NRBP1: variants seen among roughly 807,000 people sequenced by gnomAD.
NRBP1 encodes nuclear receptor-binding protein.
Under a neutral mutation model 76.0 loss-of-function variants are expected in NRBP1, and 10 were observed. The ratio of observed to expected loss-of-function variants is 0.13; its 90% CI spans 0.08 to 0.22. The LOEUF is 0.22. Among genes scored for constraint, NRBP1 ranks in the 10% least tolerant of loss-of-function variants. NRBP1 has a pLI of 1.00. For missense variants in NRBP1, 344 were observed against 646.0 expected (o/e 0.53, Z 5.07); for synonymous variants, 235 against 240.2 (o/e 0.98, Z 0.20).
At chr2:27,440,775 C>G in intron 13 of NRBP1, 30 bp from the exon 14 acceptor site, 1 of 1,614,076 alleles carries the variant, frequency 6.2e-7, no homozygotes, top group Non-Finnish European at 8.5e-7. Flanking sequence ...GTTCACAGAG[C>G]CCATGTGACC....
At position 27,437,419 on chromosome 2, in the gene NRBP1, C is replaced by G. The variant is rs1436245420; in HGVS notation, c.903+59C>G. The G allele has an allele frequency of 2.3e-6, 3 of 1,308,866 alleles. No individual in the cohort carries two copies. In the East Asian group the frequency reaches 7.0e-5, roughly 30 times the overall value. 81.1% of individuals were successfully genotyped at this position (1,308,866 alleles called of 1,614,324 possible). Reference sequence around the variant, plus strand: ...GACCTTCAAATGTCTTCTGGTTTTTCTTCCTTTGTACCCACTGGGTATATG... The same window carrying G: ...GACCTTCAAATGTCTTCTGGTTTTTGTTCCTTTGTACCCACTGGGTATATG... On this transcript the variant is annotated intron_variant, in intron 10 of 17. Transcript: ENST00000379852.
chr2:27,428,552 G>C (rs891842443), upstream of NRBP1: 4 of 395,994 alleles, frequency 1.0e-5, no homozygotes, highest in Non-Finnish European at 1.8e-5. Context: ...CACCCAGAAC[G>C]TCACCCAATG....
intron 8 of NRBP1, 103 bp from the exon 9 acceptor site, chr2:27,436,944 C>G (rs1419145717): frequency 1.4e-6 from 2 of 1,435,776 alleles, no homozygotes; most frequent in Non-Finnish European, 1.9e-6. Context: ...TCTCTACCAG[C>G]ATACAAAATA....
At chr2:27,437,668 G>A (rs1027723152) in intron 10 of NRBP1, among the ~76,000 whole-genome samples, 1 of 151,516 alleles carries the variant, frequency 6.6e-6, no homozygotes, top group Non-Finnish European at 1.5e-5. Flanking sequence ...TCAGGGGATC[G>A]AGACCATCCT....
rs376681737 is a variant in NRBP1 at position 27,440,497 on chromosome 2, A to G, written c.1131A>G (p.Pro377=). The stretch of plus-strand genomic sequence containing the variant: ...TCCCTGCAGGACCAGGAAGAGAACC[A>G]GTTCAGACTTTGTGAGTAACTGAGA... ...AEIPAGPGRE[P]VQTLYSQSPA... is the part of the protein sequence containing the mutation. Residue 377 remains proline (P), a synonymous_variant, in exon 12 of 18, where the codon CCA becomes CCG. Coordinates refer to ENST00000379852, the MANE Select transcript of NRBP1 (RefSeq NM_013392.4). The G allele has an allele frequency of 4.2e-5, 68 of 1,613,700 alleles. No homozygotes were observed. Among genetic ancestry groups the G allele is most frequent in the Non-Finnish European group, 5.5e-5 (65 of 1,179,688 alleles).
chr2:27,432,216 G>A (rs931932071), intron 1 of NRBP1, among the ~76,000 whole-genome samples: 1 of 152,202 alleles, frequency 6.6e-6, no homozygotes, highest in Non-Finnish European at 1.5e-5. Context: ...GAAGCCTATT[G>A]GATGAGTATT....
chr2:27,435,860 C>T, intron 7 of NRBP1: 1 of 707,270 alleles, frequency 1.4e-6, no homozygotes, highest in Non-Finnish European at 2.6e-6. Context: ...TCTTCCCTGC[C>T]TAATTATGCC....
chr2:27,433,922 GA>G, intron 3 of NRBP1, 66 bp from the exon 4 acceptor site: 1 of 1,593,094 alleles, frequency 6.3e-7, no homozygotes, highest in Non-Finnish European at 8.6e-7. Context: ...GAGGGATAGG[GA>G]ATGGCTTCTC....
At chr2:27,436,569 G>C in intron 7 of NRBP1, 184 bp from the exon 8 acceptor site, 1 of 591,834 alleles carries the variant, frequency 1.7e-6, no homozygotes, top group Non-Finnish European at 3.0e-6. Context: ...GCCTAAGAAA[G>C]GGGAGGTAGG....
rs750789707 is a variant in NRBP1 at position 27,436,887 on chromosome 2, C to G, written c.745+51C>G. The stretch of plus-strand genomic sequence containing the variant: ...TGTCCTCATCCCCCTGCTTTTGCAC[C>G]TTATAACTTGAGGTACAGAGGCAAT... On this transcript the variant is annotated intron_variant, in intron 8 of 17. Coordinates refer to ENST00000379852, the MANE Select transcript of NRBP1 (RefSeq NM_013392.4). 8.4e-6 allele frequency: 13 copies of G among 1,549,044 alleles called. No homozygotes were observed. The Admixed American group carries it at 2.0e-4, about 24-fold the overall frequency.
intron 10 of NRBP1, 111 bp from the exon 11 acceptor site, chr2:27,439,655 C>A: frequency 8.1e-7 from 1 of 1,238,186 alleles, no homozygotes; most frequent in Non-Finnish European, 1.1e-6. Flanking sequence ...TCAGCAAGTG[C>A]TGAGCACCTA....
chr2:27,434,318 A>C (rs928397633), intron 4 of NRBP1, among the ~76,000 whole-genome samples, 153 bp from the exon 5 acceptor site: 1 of 152,192 alleles, frequency 6.6e-6, no homozygotes, highest in Non-Finnish European at 1.5e-5. Flanking sequence ...CATAACTTTC[A>C]TTGCTTGTTT....
At chr2:27,441,401 G>T in intron 16 of NRBP1, 71 bp downstream of exon 16, 2 of 1,494,860 alleles carry the variant, frequency 1.3e-6, no homozygotes, top group Non-Finnish European at 9.3e-7. Flanking sequence ...ATTCAGGGGT[G>T]GGGGAGGTGA....
In NRBP1 at chr2:27,442,162, CG is replaced by C; in HGVS notation, c.*354del. On this transcript the variant is annotated 3_prime_UTR_variant, in exon 18 of 18. Coordinates refer to ENST00000379852, the MANE Select transcript of NRBP1 (RefSeq NM_013392.4). ...AATTCTACAATCCCGCTGGGGCGGCCGGGGCGGGAGAGAAAGGTGGTGCTGC... is the reference window on the plus strand; with the variant it reads ...AATTCTACAATCCCGCTGGGGCGGCCGGGCGGGAGAGAAAGGTGGTGCTGC... 1 of 529,882 alleles carries C rather than the reference CG, an allele frequency of 1.9e-6. No individual in the cohort carries two copies. The highest frequency in any genetic ancestry group is 3.3e-6 in the Non-Finnish European group (1 of 303,620). 32.8% of individuals were successfully genotyped at this position (529,882 alleles called of 1,614,324 possible). A position where few individuals can be genotyped will look rare whatever the true frequency, so the allele number is the denominator to read the frequency against.
rs1418161902 is a variant in NRBP1, at chr2:27,435,512, C to T, written c.661+285C>T. The T allele has an allele frequency of 4.9e-6, 3 of 616,888 alleles. No homozygotes were observed. In the African/African-American group the frequency reaches 5.5e-5, roughly 11 times the overall value. The allele number at this position is 616,888 out of a possible 1,614,324, so 38.2% of individuals were successfully genotyped here. On this transcript the variant is annotated intron_variant, in intron 7 of 17. Transcript: ENST00000379852. ...GATAGGTTTGAGGTTTGATTTGAGTCCTGGGGCCAGACCCTGCCAGAGGAG... is the reference window on the plus strand; with the variant it reads ...GATAGGTTTGAGGTTTGATTTGAGTTCTGGGGCCAGACCCTGCCAGAGGAG...
chr2:27,441,286 T>C lies in NRBP1; in HGVS notation c.1403T>C (p.Leu468Ser). 6.2e-7 allele frequency: 1 copy of C among 1,614,104 alleles called. No homozygotes were observed. Among genetic ancestry groups the C allele is most frequent in the Non-Finnish European group, 8.5e-7 (1 of 1,180,012 alleles). Residue 468 changes from leucine (L) to serine (S), a missense_variant, in exon 16 of 18, where the codon TTG (leucine) becomes TCG (serine). By Grantham distance (145) the Leu-to-Ser change is moderately radical (BLOSUM62 -2). Transcript: ENST00000379852. The stretch of plus-strand genomic sequence containing the variant: ...CTCCAGCTGACACTTCTGCTGAAGT[T>C]GGAGGACAAACTGAACCGGCACCTG... ...VKHHLTLLLK[L>S]EDKLNRHLSC...
At chr2:27,436,965 CTT>C (rs561426797) in intron 8 of NRBP1, 80 bp from the exon 9 acceptor site, 152 of 1,190,472 alleles carry the variant, frequency 1.3e-4, no homozygotes, top group Non-Finnish European at 1.5e-4. Flanking sequence ...TTTTTCTTTT[CTT>C]TTTTTTTTTT....
intron 4 of NRBP1, 111 bp from the exon 5 acceptor site, chr2:27,434,360 C>A: frequency 2.3e-6 from 2 of 857,742 alleles, no homozygotes; most frequent in Admixed American, 2.2e-5. Flanking sequence ...GTAAGTAAAG[C>A]TAAGAACAAA....
intron 1 of NRBP1, among the ~76,000 whole-genome samples, chr2:27,432,245 C>T (rs1357123291): frequency 3.9e-5 from 6 of 152,338 alleles, no homozygotes; most frequent in Non-Finnish European, 7.3e-5. Context: ...AGGAATGGAG[C>T]ACCTGATTTT....
Sources: allele counts gnomAD v4.1 joint callset (sites outside exome capture counted in the v4.1 genomes callset), GRCh38; gene constraint gnomAD v4.1.1; transcripts MANE v1.5; gene names NCBI Gene and HGNC (gene_info 2026-07-23, HGNC 2026-07-21).